Variants in NSD2 observed in about 807,000 individuals in gnomAD.
The protein encoded by NSD2 is nuclear receptor binding SET domain protein 2, also known as histone-lysine N-methyltransferase NSD2.
In NSD2, 12 loss-of-function variants were observed where a neutral mutation model predicts 139.0. The ratio of observed to expected loss-of-function variants is 0.09; its 90% CI spans 0.06 to 0.14. NSD2 has a LOEUF of 0.14. NSD2 is among the 10% of genes least tolerant of loss of function. The probability of loss-of-function intolerance (pLI) is 1.00; values close to 1 mark genes in which losing one functional copy is unlikely to be tolerated. For missense variants in NSD2, 1,155 were observed against 1,745.0 expected (o/e 0.66, Z 6.02); for synonymous variants, 669 against 648.7 (o/e 1.03, Z -0.48).
chr4:1,973,852 C>T lies in NSD2; in HGVS notation c.3373-1011C>T, dbSNP rs576668742. Among the ~76,000 whole-genome samples the T allele has an allele frequency of 6.6e-5, 10 of 152,200 alleles. No individual in the cohort carries two copies. The highest frequency in any genetic ancestry group is 2.0e-4 in the Admixed American group (3 of 15,282). Reference sequence around the variant, plus strand: ...TGTGGCCTTTTGATTTCTCCCCACGCGGTTGTGCGGTGGATCTGGCGGCTC... The same window carrying T: ...TGTGGCCTTTTGATTTCTCCCCACGTGGTTGTGCGGTGGATCTGGCGGCTC... On this transcript the variant is annotated intron_variant, in intron 18 of 21. Coordinates refer to ENST00000508803, the MANE Select transcript of NSD2 (RefSeq NM_001042424.3). The surrounding 1 kb of genome is among the most constrained non-coding windows in gnomAD (Gnocchi z 5.5).
In NSD2 at chr4:1,948,721, C is replaced by T; in HGVS notation, c.1882-2351C>T. On this transcript the variant is annotated intron_variant, in intron 9 of 21. Transcript: ENST00000508803. This position sits in a 1 kb window ranked among gnomAD's most constrained non-coding sequence, Gnocchi z 4.5. ...CAAAATATGTATTCAGTGTTTATTT[C>T]CTCAAAACAGACTTTGTTAATGTAG... 1 of 1,051,404 alleles carries T rather than the reference C, an allele frequency of 9.5e-7. No individual in the cohort carries two copies. The highest frequency in any genetic ancestry group is 5.5e-5 in the East Asian group (1 of 18,344). 65.1% of individuals were successfully genotyped at this position (1,051,404 alleles called of 1,614,324 possible). A position where few individuals can be genotyped will look rare whatever the true frequency, so the allele number is the denominator to read the frequency against.
intron 9 of NSD2, chr4:1,945,971 G>C: frequency 1.9e-6 from 2 of 1,050,708 alleles, no homozygotes; most frequent in Non-Finnish European, 2.3e-6. Flanking sequence ...CCTCTGGCCA[G>C]GTAGACTTTT....
chr4:1,941,733 T>C (rs1723120019), intron 9 of NSD2: 2 of 1,047,396 alleles, frequency 1.9e-6, no homozygotes, highest in African/African-American at 1.7e-5. Context: ...TAAACTACTT[T>C]TGTATGGCTT....
chr4:1,976,338 C>A lies in NSD2; in HGVS notation c.3622-137C>A. The A allele has an allele frequency of 1.1e-6, 1 of 895,254 alleles. No individual in the cohort carries two copies. The highest frequency in any genetic ancestry group is 1.7e-6 in the Non-Finnish European group (1 of 582,730). The allele number at this position is 895,254 out of a possible 1,614,324, so 55.5% of individuals were successfully genotyped here. On this transcript the variant is annotated intron_variant, in intron 20 of 21. Transcript: ENST00000508803. This position sits in a 1 kb window ranked among gnomAD's most constrained non-coding sequence, Gnocchi z 5.3. The stretch of plus-strand genomic sequence containing the variant: ...GGATGTCTGGGGAGCACGAGGAGGA[C>A]ACTCCTCTCCTCTCCTCTTAGTGTT...
rs1023604009 is a variant in NSD2 at position 1,973,920 on chromosome 4, G to A, written c.3373-943G>A. On this transcript the variant is annotated intron_variant, in intron 18 of 21. Transcript: ENST00000508803. This position sits in a 1 kb window ranked among gnomAD's most constrained non-coding sequence, Gnocchi z 5.5. ...GCCGTCCATTCCCTGCTGCTGGGTG[G>A]AGATGTTGTCTCCAGTTCCTGCCTT... 1.3e-5 allele frequency among the ~76,000 whole-genome samples: 2 copies of A among 152,210 alleles called. No individual in the cohort carries two copies. Among genetic ancestry groups the A allele is most frequent in the Admixed American group, 6.5e-5 (1 of 15,286 alleles).
chr4:1,876,477 G>A (rs1382892938), intron 1 of NSD2, among the ~76,000 whole-genome samples: 1 of 152,132 alleles, frequency 6.6e-6, no homozygotes, highest in Non-Finnish European at 1.5e-5. Flanking sequence ...GATCACTTGA[G>A]ACTAGGAGTT....
At position 1,896,026 on chromosome 4, in the gene NSD2, A is replaced by AG. The variant is rs1716245048; in HGVS notation, c.-29-4598dup. Among the ~76,000 whole-genome samples the AG allele has an allele frequency of 3.3e-5, 5 of 152,348 alleles. No homozygotes were observed. The South Asian group carries it at 1.0e-3, about 32-fold the overall frequency. On this transcript the variant is annotated intron_variant, in intron 1 of 21. Coordinates refer to ENST00000508803, the MANE Select transcript of NSD2 (RefSeq NM_001042424.3). ...TCCTTACTGTTTGAAAGTACCTGCA[A>AG]GGTGGGTCCTCTGTCCTCAGGACAT... is the stretch of plus-strand genomic sequence containing the variant.
intron 17 of NSD2, 111 bp from the exon 18 acceptor site, chr4:1,960,924 G>C: frequency 1.4e-6 from 1 of 738,824 alleles, no homozygotes; most frequent in South Asian, 1.8e-5. Context: ...ACGGAGGTAT[G>C]CTGATGTGTG....
chr4:1,954,864 G>C (rs1461917701), intron 12 of NSD2, among the ~76,000 whole-genome samples: 4 of 152,218 alleles, frequency 2.6e-5, no homozygotes, highest in African/African-American at 9.6e-5. Flanking sequence ...CTGGCATCTA[G>C]TGAGTAGAGG....
At chr4:1,962,163 C>T (rs1353875528) in intron 18 of NSD2, among the ~76,000 whole-genome samples, 1 of 152,234 alleles carries the variant, frequency 6.6e-6, no homozygotes, top group Non-Finnish European at 1.5e-5. Context: ...AGTAGTGGGG[C>T]AGCAGTGGCC....
At chr4:1,946,672 T>C (rs1436573376) in intron 9 of NSD2, 1 of 1,037,764 alleles carries the variant, frequency 9.6e-7, no homozygotes, top group African/African-American at 1.7e-5. Flanking sequence ...TTGTTTTATG[T>C]AGAATGTTAG....
intron 9 of NSD2, among the ~76,000 whole-genome samples, chr4:1,950,572 G>A (rs900815318): frequency 3.3e-5 from 5 of 152,200 alleles, no homozygotes; most frequent in African/African-American, 9.6e-5. Flanking sequence ...CTGAAAGGAC[G>A]CATGGTCTCC....
At position 1,981,773 on chromosome 4, in the gene NSD2, T is replaced by A. The variant is rs889894624; in HGVS notation, c.*2864T>A. 1.5e-5 allele frequency: 6 copies of A among 398,276 alleles called. No homozygotes were observed. The highest frequency in any genetic ancestry group is 2.7e-5 in the Non-Finnish European group (6 of 225,978). 24.7% of individuals were successfully genotyped at this position (398,276 alleles called of 1,614,324 possible). A position where few individuals can be genotyped will look rare whatever the true frequency, so the allele number is the denominator to read the frequency against. On this transcript the variant is annotated 3_prime_UTR_variant, in exon 22 of 22. Coordinates refer to ENST00000508803, the MANE Select transcript of NSD2 (RefSeq NM_001042424.3). ...CTACCTTATTTTCCAGAATTAAACC[T>A]GTTTTATAATTCAAGTTAATGCAAA...
intron 5 of NSD2, among the ~76,000 whole-genome samples, chr4:1,929,399 G>GC (rs1279606846): frequency 6.6e-6 from 1 of 152,112 alleles, no homozygotes; most frequent in African/African-American, 2.4e-5. Flanking sequence ...GAGTGTTACT[G>GC]CCCCCGTTTC....
chr4:1,908,075 CCAG>C (rs1349358190), intron 3 of NSD2, among the ~76,000 whole-genome samples: 2 of 152,118 alleles, frequency 1.3e-5, no homozygotes, highest in Non-Finnish European at 2.9e-5. Flanking sequence ...GGGCGTGTCC[CCAG>C]CAGGCCCCTA....
At chr4:1,895,999 C>T (rs1220087838) in intron 1 of NSD2, among the ~76,000 whole-genome samples, 1 of 152,228 alleles carries the variant, frequency 6.6e-6, no homozygotes, top group East Asian at 1.9e-4. Flanking sequence ...GGCTTCTTTT[C>T]CTCCTTACTG....
chr4:1,971,218 G>A (rs1051229856), intron 18 of NSD2, among the ~76,000 whole-genome samples: 1 of 152,116 alleles, frequency 6.6e-6, no homozygotes, highest in Admixed American at 6.5e-5. Context: ...GTGGCCAAAG[G>A]TATGCCAAGG....
rs1356588191 is a variant in NSD2 at position 1,980,861 on chromosome 4, C to T, written c.*1952C>T. On this transcript the variant is annotated 3_prime_UTR_variant, in exon 22 of 22. Coordinates refer to ENST00000508803, the MANE Select transcript of NSD2 (RefSeq NM_001042424.3). ...TCTCCCAAAGTGTCCTAAGAAAATA[C>T]TGGATCGGCTCATAGATTTATGCTC... 1 of 233,196 alleles carries T rather than the reference C, an allele frequency of 4.3e-6. No homozygotes were observed. Among genetic ancestry groups the T allele is most frequent in the Admixed American group, 5.6e-5 (1 of 17,782 alleles). 14.4% of individuals were successfully genotyped at this position (233,196 alleles called of 1,614,324 possible).
rs972591274 is a variant in NSD2, at chr4:1,979,455, T to A, written c.*546T>A. On this transcript the variant is annotated 3_prime_UTR_variant, in exon 22 of 22. Coordinates refer to ENST00000508803, the MANE Select transcript of NSD2 (RefSeq NM_001042424.3). ...GCTGTATCATTTTTTTGTACTAATG[T>A]GAATTGTTCCTCAGAAACGCTTCTT... The A allele has an allele frequency of 4.3e-6, 1 of 233,412 alleles. No individual in the cohort carries two copies. Among genetic ancestry groups the A allele is most frequent in the Admixed American group, 5.6e-5 (1 of 17,804 alleles). The allele number at this position is 233,412 out of a possible 1,614,324, so 14.5% of individuals were successfully genotyped here.
Sources: gnomAD v4.1 joint callset for allele counts (sites outside exome capture counted in the v4.1 genomes callset) on GRCh38, gnomAD v4.1.1 for gene constraint, Gnocchi (gnomAD v3.1) non-coding constraint, MANE v1.5 for transcripts, NCBI Gene and HGNC (gene_info 2026-07-23, HGNC 2026-07-21) for gene names.